NRG3: variants seen among roughly 807,000 people sequenced by gnomAD.
The protein encoded by NRG3 is neuregulin 3, also known as pro-neuregulin-3, membrane-bound isoform.
A neutral mutation model predicts 66.9 loss-of-function variants in NRG3; 31 were observed. That is an observed-to-expected ratio of 0.46 (90% CI 0.35 to 0.63). NRG3 has a LOEUF of 0.63. Ranked by LOEUF, NRG3 falls within the 20% of genes least tolerant of loss-of-function variation. The probability of loss-of-function intolerance (pLI) is 0.00; values close to 1 mark genes in which losing one functional copy is unlikely to be tolerated. For synonymous variants in NRG3, 393 were observed against 359.4 expected (o/e 1.09, Z -1.06); for missense variants, 910 against 878.9 (o/e 1.04, Z -0.45).
At chr10:82,570,258 C>T (rs1427357781) in intron 2 of NRG3, among the ~76,000 whole-genome samples, 2 of 151,668 alleles carry the variant, frequency 1.3e-5, no homozygotes, top group African/African-American at 4.8e-5. Context: ...CTTAACCTGG[C>T]CTTAAAGACC....
At chr10:82,222,496 G>A (rs2075986373) in intron 1 of NRG3, among the ~76,000 whole-genome samples, 1 of 152,140 alleles carries the variant, frequency 6.6e-6, no homozygotes, top group African/African-American at 2.4e-5. Flanking sequence ...CAGTTGATTA[G>A]ACCCCTGGGT....
intron 1 of NRG3, among the ~76,000 whole-genome samples, chr10:81,913,045 G>A (rs1374190178): frequency 6.6e-6 from 1 of 151,422 alleles, no homozygotes; most frequent in African/African-American, 2.4e-5. Flanking sequence ...AATCTTTAAA[G>A]GGAGATGATT....
intron 1 of NRG3, among the ~76,000 whole-genome samples, chr10:82,100,264 G>C (rs1178084073): frequency 6.6e-6 from 1 of 151,880 alleles, no homozygotes; most frequent in Non-Finnish European, 1.5e-5. Flanking sequence ...ATTACTTCCA[G>C]GAGCTTTTTT....
chr10:82,701,843 C>T (rs1241981216), intron 2 of NRG3, among the ~76,000 whole-genome samples: 2 of 152,150 alleles, frequency 1.3e-5, no homozygotes, highest in South Asian at 2.1e-4. Context: ...CATTAGCTTT[C>T]GGTGTCTAAG....
intron 1 of NRG3, among the ~76,000 whole-genome samples, chr10:82,338,610 GCAT>G (rs1273127158): frequency 6.6e-6 from 1 of 152,064 alleles, no homozygotes; most frequent in African/African-American, 2.4e-5. Context: ...ACTTTAATTG[GCAT>G]CATACAGCGA....
At chr10:82,373,934 A>G (rs755914591) in intron 2 of NRG3, among the ~76,000 whole-genome samples, 41 of 152,188 alleles carry the variant, frequency 2.7e-4, no homozygotes, top group Non-Finnish European at 1.5e-4. Flanking sequence ...ATCTGGATGT[A>G]TGAAATGATT....
At chr10:82,439,693 T>C (rs549708465) in intron 2 of NRG3, among the ~76,000 whole-genome samples, 8 of 151,968 alleles carry the variant, frequency 5.3e-5, no homozygotes, top group Non-Finnish European at 1.0e-4. Context: ...CTATTTTACT[T>C]TTTAAAATTA....
chr10:82,310,198 C>G (rs966972065), intron 1 of NRG3, among the ~76,000 whole-genome samples: 1 of 152,162 alleles, frequency 6.6e-6, no homozygotes, highest in African/African-American at 2.4e-5. Context: ...TATCATTTAT[C>G]TCCATCATTA....
chr10:82,146,075 C>T (rs1207178062), intron 1 of NRG3, among the ~76,000 whole-genome samples: 12 of 152,094 alleles, frequency 7.9e-5, no homozygotes, highest in Non-Finnish European at 1.3e-4. Flanking sequence ...TGACATAAGG[C>T]ATGTATCAAG....
chr10:82,591,253 A>T (rs751451714), intron 2 of NRG3, among the ~76,000 whole-genome samples: 1 of 152,220 alleles, frequency 6.6e-6, no homozygotes, highest in Non-Finnish European at 1.5e-5. Flanking sequence ...AATCCAAAAA[A>T]TAATATCCCT....
chr10:82,444,561 A>G (rs985987332), intron 2 of NRG3, among the ~76,000 whole-genome samples: 10 of 152,164 alleles, frequency 6.6e-5, no homozygotes, highest in Admixed American at 6.5e-4. Context: ...GAAAATACTA[A>G]GGTGGAGGGG....
chr10:82,302,972 C>A (rs1302871200), intron 1 of NRG3, among the ~76,000 whole-genome samples: 1 of 152,094 alleles, frequency 6.6e-6, no homozygotes, highest in African/African-American at 2.4e-5. Context: ...AAACATGTGG[C>A]CTCCAGTATC....
intron 3 of NRG3, among the ~76,000 whole-genome samples, chr10:82,810,662 C>T (rs571110591): frequency 3.5e-5 from 5 of 144,188 alleles, no homozygotes; most frequent in Admixed American, 2.1e-4. Context: ...ACTCGGGAGG[C>T]GGAGGCAGGA....
Position 82,495,584 on chromosome 10 carries a change from G to A in NRG3, c.953+136716G>A, listed in dbSNP as rs1446337129. ...AGAGTAATCTGGGAAAGTTGGGCAC[G>A]CCTAGCAGACAACATAGACTTTGTG... is the stretch of plus-strand genomic sequence containing the variant. On this transcript the variant is annotated intron_variant, in intron 2 of 8. Transcript: ENST00000372141. Among the ~76,000 whole-genome samples, 12 of 152,014 alleles carry A rather than the reference G, an allele frequency of 7.9e-5. No individual in the cohort carries two copies. In the South Asian group the frequency reaches 1.2e-3, roughly 16 times the overall value.
chr10:82,341,255 G>T (rs749994786), intron 1 of NRG3, among the ~76,000 whole-genome samples: 23 of 152,216 alleles, frequency 1.5e-4, no homozygotes, highest in Non-Finnish European at 2.9e-4. Flanking sequence ...TAAATAGAGT[G>T]TTTGGCAAGG....
intron 2 of NRG3, among the ~76,000 whole-genome samples, chr10:82,687,423 T>C (rs962895062): frequency 6.6e-6 from 1 of 152,184 alleles, no homozygotes; most frequent in African/African-American, 2.4e-5. Flanking sequence ...TCAAATCGTT[T>C]TAGTACTTCT....
At chr10:82,436,339 A>G (rs908240259) in intron 2 of NRG3, among the ~76,000 whole-genome samples, 24 of 152,102 alleles carry the variant, frequency 1.6e-4, no homozygotes, top group African/African-American at 5.8e-4. Flanking sequence ...GTGTTTTGTC[A>G]GAGGCTAGGA....
chr10:81,901,162 C>T (rs1844034756), intron 1 of NRG3, among the ~76,000 whole-genome samples: 1 of 152,108 alleles, frequency 6.6e-6, no homozygotes, highest in South Asian at 2.1e-4. Context: ...TCTCACATGA[C>T]ACTTAAGAGG....
intron 2 of NRG3, among the ~76,000 whole-genome samples, chr10:82,359,344 T>A (rs948437194): frequency 6.6e-6 from 1 of 152,192 alleles, no homozygotes; most frequent in Non-Finnish European, 1.5e-5. Flanking sequence ...TTTTATTTTG[T>A]TTCTGCCTTC....
Sources: allele counts gnomAD v4.1 joint callset (sites outside exome capture counted in the v4.1 genomes callset), GRCh38; gene constraint gnomAD v4.1.1; transcripts MANE v1.5; gene names NCBI Gene and HGNC (gene_info 2026-07-23, HGNC 2026-07-21).